The following KCNMB2 variants were observed in gnomAD, a reference collection of about 807,000 sequenced individuals.
KCNMB2 encodes potassium calcium-activated channel subfamily M regulatory beta subunit 2, also known as calcium-activated potassium channel subunit beta-2.
Under a neutral mutation model 24.5 loss-of-function variants are expected in KCNMB2, and 9 were observed. The ratio of observed to expected loss-of-function variants is 0.37; its 90% CI spans 0.22 to 0.64. KCNMB2 has a LOEUF of 0.64. KCNMB2 is among the 30% of genes least tolerant of loss of function. The pLI is 0.63. For synonymous variants in KCNMB2, 109 were observed against 104.4 expected, an observed-to-expected ratio of 1.04 and a Z score of -0.27; for missense variants, 226 against 284.3, an observed-to-expected ratio of 0.79 and a Z score of 1.47.
chr3:178,662,043 T>C (rs1577080144), intron 1 of KCNMB2, among the ~76,000 whole-genome samples: 1 of 152,324 alleles, frequency 6.6e-6, no homozygotes, highest in African/African-American at 2.4e-5. Flanking sequence ...ATGATATTCA[T>C]CTCAGAAATG....
At chr3:178,792,826 C>T (rs1174568854) in intron 1 of KCNMB2, among the ~76,000 whole-genome samples, 2 of 152,208 alleles carry the variant, frequency 1.3e-5, no homozygotes, top group Non-Finnish European at 1.5e-5. Flanking sequence ...ACTAAGAGCT[C>T]CAGCTGGGGA....
intron 1 of KCNMB2, among the ~76,000 whole-genome samples, chr3:178,562,641 C>T (rs1716365179): frequency 6.6e-6 from 1 of 152,186 alleles, no homozygotes; most frequent in Non-Finnish European, 1.5e-5. Flanking sequence ...AATCCAGTTT[C>T]AGAGGCTGAC....
At chr3:178,742,772 T>C (rs957514194) in intron 1 of KCNMB2, among the ~76,000 whole-genome samples, 2 of 152,108 alleles carry the variant, frequency 1.3e-5, no homozygotes, top group African/African-American at 4.8e-5. Context: ...TCAAAGGGTT[T>C]TGAGTTGACG....
chr3:178,833,872 C>T (rs987276275), intron 4 of KCNMB2, among the ~76,000 whole-genome samples: 10 of 152,188 alleles, frequency 6.6e-5, no homozygotes, highest in Non-Finnish European at 1.3e-4. Context: ...CACTGGCTGA[C>T]TAATGGGCTC....
Position 178,576,497 on chromosome 3 carries a change from T to C in KCNMB2, c.-68+39786T>C, listed in dbSNP as rs192497168. Reference sequence around the variant, plus strand: ...CTGGAAAACCAGCAAGACAAAACTGTTCACTCTCCTGGAAAGGGGGCTGAA... The same window carrying C: ...CTGGAAAACCAGCAAGACAAAACTGCTCACTCTCCTGGAAAGGGGGCTGAA... On this transcript the variant is annotated intron_variant, in intron 1 of 4. Coordinates refer to ENST00000452583, the MANE Select transcript of KCNMB2 (RefSeq NM_181361.3). Among the ~76,000 whole-genome samples the C allele has an allele frequency of 1.4e-3, 219 of 152,118 alleles. 1 individual carries two copies. Among genetic ancestry groups the C allele is most frequent in the African/African-American group, 4.9e-3 (203 of 41,528 alleles).
At chr3:178,671,572 G>A (rs922362724) in intron 1 of KCNMB2, among the ~76,000 whole-genome samples, 1 of 152,144 alleles carries the variant, frequency 6.6e-6, no homozygotes, top group Non-Finnish European at 1.5e-5. Context: ...AGAATACAGA[G>A]AGAAGGTGAA....
At chr3:178,804,175 T>A (rs1197245419) in intron 1 of KCNMB2, among the ~76,000 whole-genome samples, 3 of 152,318 alleles carry the variant, frequency 2.0e-5, no homozygotes, top group South Asian at 4.1e-4. Context: ...GGTCTCTATA[T>A]CCCTATCCTG....
intron 1 of KCNMB2, among the ~76,000 whole-genome samples, chr3:178,709,034 G>A (rs996071641): frequency 1.3e-5 from 2 of 152,108 alleles, no homozygotes; most frequent in Non-Finnish European, 2.9e-5. Flanking sequence ...TAGGTTAAAG[G>A]AGGAAAAAAT....
At chr3:178,585,096 T>C (rs1717378732) in intron 1 of KCNMB2, among the ~76,000 whole-genome samples, 1 of 152,164 alleles carries the variant, frequency 6.6e-6, no homozygotes, top group Non-Finnish European at 1.5e-5. Context: ...TGGGTCAAAT[T>C]AAAACTCTCT....
At chr3:178,673,630 A>G (rs1397746313) in intron 1 of KCNMB2, among the ~76,000 whole-genome samples, 1 of 152,082 alleles carries the variant, frequency 6.6e-6, no homozygotes, top group Non-Finnish European at 1.5e-5. Context: ...CCCACCCAAG[A>G]CAGTGCTCCA....
chr3:178,760,099 T>C (rs1282558372), intron 1 of KCNMB2, among the ~76,000 whole-genome samples: 1 of 44,896 alleles, frequency 2.2e-5, no homozygotes, highest in Non-Finnish European at 3.8e-5. Context: ...TATCTATATA[T>C]ATATATATAT....
At chr3:178,778,178 T>C (rs896511918) in intron 1 of KCNMB2, among the ~76,000 whole-genome samples, 2 of 152,166 alleles carry the variant, frequency 1.3e-5, no homozygotes, top group Non-Finnish European at 2.9e-5. Flanking sequence ...TTTGACCCTA[T>C]GTATCAGTTT....
At chr3:178,828,925 CTGTG>C (rs71181254) in intron 4 of KCNMB2, among the ~76,000 whole-genome samples, 4,072 of 142,612 alleles carry the variant, frequency 0.029, 67 homozygotes, top group Admixed American at 0.041. Flanking sequence ...CCCATGGTCA[CTGTG>C]TGTGTGTGTG....
intron 1 of KCNMB2, among the ~76,000 whole-genome samples, chr3:178,687,014 T>A (rs2108325382): frequency 6.6e-6 from 1 of 152,270 alleles, no homozygotes; most frequent in South Asian, 2.1e-4. Context: ...TTAGATGGAC[T>A]GGAAATTTCT....
At chr3:178,790,728 C>T (rs1577190986) in intron 1 of KCNMB2, among the ~76,000 whole-genome samples, 1 of 152,290 alleles carries the variant, frequency 6.6e-6, no homozygotes, top group South Asian at 2.1e-4. Context: ...CTTGTGTCAC[C>T]CCTCCAACAG....
intron 1 of KCNMB2, among the ~76,000 whole-genome samples, chr3:178,665,203 A>G (rs771890279): frequency 3.0e-4 from 46 of 152,146 alleles, no homozygotes; most frequent in Non-Finnish European, 6.0e-4. Flanking sequence ...GTTCCACCAG[A>G]GGACATTTCT....
intron 1 of KCNMB2, among the ~76,000 whole-genome samples, chr3:178,545,028 C>G (rs1352095132): frequency 6.6e-6 from 1 of 152,102 alleles, no homozygotes; most frequent in Non-Finnish European, 1.5e-5. Context: ...TACCAGACTG[C>G]TTGACTGGGG....
In KCNMB2 at chr3:178,842,741, A is replaced by G. The variant is rs1475735830; in HGVS notation, c.512A>G (p.His171Arg). Residue 171 changes from histidine (H) to arginine (R), a missense_variant, in exon 5 of 5, where the codon CAC becomes CGC. Transcript: ENST00000452583. ...VVMENFRKYQ[H>R]FSCYSDPEGN... ...ATGGAAAACTTCAGGAAGTATCAAC[A>G]CTTCTCCTGCTATTCTGACCCAGAA... The G allele has an allele frequency of 2.5e-6, 4 of 1,613,370 alleles. No homozygotes were observed. In the East Asian group the frequency reaches 8.9e-5, roughly 36 times the overall value.
chr3:178,758,371 TCTCCAAGAGGGG>T (rs1724291396), intron 1 of KCNMB2, among the ~76,000 whole-genome samples: 1 of 18,884 alleles, frequency 5.3e-5, no homozygotes, highest in African/African-American at 6.2e-4. Context: ...TATATATATA[TCTCCAAGAGGGG>T]ATACATATAT....
Sources: gnomAD v4.1 joint callset for allele counts (sites outside exome capture counted in the v4.1 genomes callset) on GRCh38, gnomAD v4.1.1 for gene constraint, MANE v1.5 for transcripts, NCBI Gene and HGNC (gene_info 2026-07-23, HGNC 2026-07-21) for gene names.